SCEL: variants seen among roughly 807,000 people sequenced by gnomAD.
SCEL encodes the protein sciellin.
Under a neutral mutation model 117.6 loss-of-function variants are expected in SCEL, and 113 were observed. That is an observed-to-expected ratio of 0.96 (90% CI 0.83 to 1.12). The LOEUF is 1.12. Ranked by LOEUF, SCEL falls within the 50% of genes most tolerant of loss-of-function variation. The probability of loss-of-function intolerance (pLI) is 0.00; values close to 1 mark genes in which losing one functional copy is unlikely to be tolerated. For synonymous variants in SCEL, 270 were observed against 256.2 expected, an observed-to-expected ratio of 1.05 and a Z score of -0.51; for missense variants, 785 against 810.8, an observed-to-expected ratio of 0.97 and a Z score of 0.39.
intron 9 of SCEL, among the ~76,000 whole-genome samples, chr13:77,584,753 C>G (rs1229163287): frequency 6.6e-6 from 1 of 152,144 alleles, no homozygotes; most frequent in Admixed American, 6.5e-5. Context: ...CACCTCCTTC[C>G]CCCTTTCCTC....
chr13:77,639,808 A>G (rs1216814762), intron 30 of SCEL, among the ~76,000 whole-genome samples: 5 of 152,142 alleles, frequency 3.3e-5, no homozygotes, highest in African/African-American at 1.2e-4. Flanking sequence ...ACCCCATTAC[A>G]TATCCTACTC....
chr13:77,623,556 A>G (rs1284815895), intron 27 of SCEL: 1 of 152,218 alleles, frequency 6.6e-6, no homozygotes, highest in African/African-American at 2.4e-5. Flanking sequence ...TGAAACAAAT[A>G]ATAATATAGT....
intron 9 of SCEL, among the ~76,000 whole-genome samples, chr13:77,586,698 A>G (rs767153332): frequency 1.1e-4 from 16 of 152,174 alleles, no homozygotes; most frequent in Non-Finnish European, 1.2e-4. Flanking sequence ...TTTTAAGCCC[A>G]TGAGTACTAA....
At chr13:77,591,903 G>T (rs1417748413) in intron 11 of SCEL, among the ~76,000 whole-genome samples, 2 of 152,130 alleles carry the variant, frequency 1.3e-5, no homozygotes, top group Non-Finnish European at 2.9e-5. Context: ...CGTCGGGGGG[G>T]AGGGTAAGGT....
At chr13:77,568,742 T>C (rs1054985306) in intron 7 of SCEL, among the ~76,000 whole-genome samples, 2 of 152,094 alleles carry the variant, frequency 1.3e-5, no homozygotes, top group African/African-American at 4.8e-5. Context: ...TGGGAAAACA[T>C]GGGGTGAGCT....
chr13:77,546,083 G>T (rs2083971944), intron 1 of SCEL, among the ~76,000 whole-genome samples: 1 of 152,184 alleles, frequency 6.6e-6, no homozygotes, highest in Admixed American at 6.5e-5. Context: ...CAGGGAAGGA[G>T]TCCAGTCAGG....
At chr13:77,589,295 C>T in intron 10 of SCEL, 71 bp downstream of exon 10, 1 of 1,143,438 alleles carries the variant, frequency 8.7e-7, no homozygotes, top group Non-Finnish European at 1.3e-6. Context: ...TGGACTGTGA[C>T]CCGCTGTGGG....
At chr13:77,604,316 C>T (rs6563011) in intron 18 of SCEL, 40 bp from the exon 19 acceptor site, 1,244,223 of 1,340,562 alleles carry the variant, frequency 0.93, 577,671 homozygotes, top group South Asian at 0.96. Context: ...TAGTGCTATA[C>T]TTTAACATCA....
At chr13:77,593,295 T>TCTGTGTGTGTGTGTGTGC (rs1555510778) in intron 11 of SCEL, among the ~76,000 whole-genome samples, 1 of 136,784 alleles carries the variant, frequency 7.3e-6, no homozygotes, top group African/African-American at 2.8e-5. Flanking sequence ...TGTGTGTGTG[T>TCTGTGTGTGTGTGTGTGC]GTCTGTGTGT....
chr13:77,556,721 G>A lies in SCEL; in HGVS notation c.161+8G>A, dbSNP rs1464028860. On this transcript the variant is annotated splice_region_variant and intron_variant, in intron 3 of 32. Coordinates refer to ENST00000349847, the MANE Select transcript of SCEL (RefSeq NM_144777.3). ...ACGCCCTGAAGAAGAAAAGTAAGCTGGTGTGGAGCGTGGTGGGTGGACAGA... is the reference window on the plus strand; with the variant it reads ...ACGCCCTGAAGAAGAAAAGTAAGCTAGTGTGGAGCGTGGTGGGTGGACAGA... 1 of 1,586,018 alleles carries A rather than the reference G, an allele frequency of 6.3e-7. No individual in the cohort carries two copies. Among genetic ancestry groups the A allele is most frequent in the South Asian group, 1.1e-5 (1 of 90,480 alleles).
chr13:77,541,001 G>A (rs2083672688), intron 1 of SCEL, among the ~76,000 whole-genome samples: 1 of 152,212 alleles, frequency 6.6e-6, no homozygotes, highest in African/African-American at 2.4e-5. Flanking sequence ...CGATTGCTTG[G>A]ATTTCAAGGT....
chr13:77,581,757 T>C (rs1396313845), intron 9 of SCEL, among the ~76,000 whole-genome samples: 1 of 152,190 alleles, frequency 6.6e-6, no homozygotes, highest in Non-Finnish European at 1.5e-5. Context: ...GACTAGAGAT[T>C]GTAAATTTCA....
Position 77,634,388 on chromosome 13 carries a change from T to G in SCEL, c.1701T>G (p.Thr567=). The change falls in exon 29 of 33, where the codon ACT becomes ACG. Residue 567 remains threonine, a synonymous_variant. Transcript: ENST00000349847. ...VSENKNGSSN[T]GAKQAGPQDT... ...ATGATTTGTTTTGCAGCTCTAACACTGGAGCCAAGCAGGCAGGACCACAGG... is the reference window on the plus strand; with the variant it reads ...ATGATTTGTTTTGCAGCTCTAACACGGGAGCCAAGCAGGCAGGACCACAGG... 6.2e-7 allele frequency: 1 copy of G among 1,613,298 alleles called. No individual in the cohort carries two copies. Among genetic ancestry groups the G allele is most frequent in the Non-Finnish European group, 8.5e-7 (1 of 1,179,400 alleles).
At position 77,597,572 on chromosome 13, in the gene SCEL, G is replaced by A. The variant is rs201252640; in HGVS notation, c.780G>A (p.Met260Ile). 74 of 1,482,860 alleles carry A rather than the reference G, an allele frequency of 5.0e-5. 2 individuals carry two copies. Among genetic ancestry groups the A allele is most frequent in the South Asian group, 3.2e-4 (26 of 80,274 alleles). The allele number at this position is 1,482,860 out of a possible 1,614,324, so 91.9% of individuals were successfully genotyped here. A position where few individuals can be genotyped will look rare whatever the true frequency, so the allele number is the denominator to read the frequency against. Residue 260 changes from methionine to isoleucine, a missense_variant, in exon 13 of 33, where the codon ATG (methionine) becomes ATA (isoleucine). Met to Ile is a conservative substitution (Grantham distance 10). Coordinates refer to ENST00000349847, the MANE Select transcript of SCEL (RefSeq NM_144777.3). The part of the protein sequence containing the change: ...KGEELDNLIK[M>I]NKSLNRNQGL... ...AAGAATTGGATAATCTCATCAAAAT[G>A]AACAAAAGCTTGAATAGGTAAGATT...
chr13:77,578,178 G>A (rs1311290532), intron 9 of SCEL, among the ~76,000 whole-genome samples: 2 of 152,132 alleles, frequency 1.3e-5, no homozygotes, highest in African/African-American at 4.8e-5. Flanking sequence ...CCAGGGATTA[G>A]GGTGCTGATG....
At chr13:77,604,488 T>C in intron 19 of SCEL, 73 bp downstream of exon 19, 1 of 1,228,102 alleles carries the variant, frequency 8.1e-7, no homozygotes, top group Non-Finnish European at 1.1e-6. Flanking sequence ...AGTGTTGGTA[T>C]TCAGGACAGT....
chr13:77,559,411 A>G (rs775094562), intron 3 of SCEL, among the ~76,000 whole-genome samples: 1 of 152,236 alleles, frequency 6.6e-6, no homozygotes, highest in Non-Finnish European at 1.5e-5. Flanking sequence ...ACTTAAACTT[A>G]AACACAATTT....
chr13:77,644,294 A>G lies in SCEL; in HGVS notation c.*20A>G. 1 of 1,612,496 alleles carries G rather than the reference A, an allele frequency of 6.2e-7. No individual in the cohort carries two copies. Among genetic ancestry groups the G allele is most frequent in the Non-Finnish European group, 8.5e-7 (1 of 1,178,684 alleles). On this transcript the variant is annotated 3_prime_UTR_variant, in exon 33 of 33. Transcript: ENST00000349847. ...CCATAACTCTGGCACAAGGAAATCA[A>G]GATGAAAAGCACTCATTAAGGAATT...
At chr13:77,616,639 T>G (rs1473724846) in intron 24 of SCEL, among the ~76,000 whole-genome samples, 1 of 151,710 alleles carries the variant, frequency 6.6e-6, no homozygotes, top group African/African-American at 2.4e-5. Context: ...CCCTGAACAT[T>G]CTATTGAAAG....
Sources: gnomAD v4.1 joint callset for allele counts (sites outside exome capture counted in the v4.1 genomes callset) on GRCh38, gnomAD v4.1.1 for gene constraint, MANE v1.5 for transcripts, NCBI Gene and HGNC (gene_info 2026-07-23, HGNC 2026-07-21) for gene names.